The following NTNG1 variants were observed in gnomAD, a reference collection of about 807,000 sequenced individuals.
NTNG1 encodes the protein netrin G1.
NTNG1 carries 16 observed loss-of-function variants against 54.0 expected under a neutral mutation model. That is an observed-to-expected ratio of 0.30 (90% confidence interval 0.20 to 0.45). NTNG1 has a LOEUF of 0.45. NTNG1 is among the 20% of genes least tolerant of loss of function. The pLI is 1.00. For missense variants in NTNG1, 530 were observed against 678.7 expected, an observed-to-expected ratio of 0.78 and a Z score of 2.43; for synonymous variants, 255 against 263.1, an observed-to-expected ratio of 0.97 and a Z score of 0.30.
At chr1:107,390,780 C>A (rs747500142) in intron 3 of NTNG1, among the ~76,000 whole-genome samples, 2 of 152,192 alleles carry the variant, frequency 1.3e-5, no homozygotes, top group African/African-American at 2.4e-5. Flanking sequence ...AACAGCAACA[C>A]ACACTAGGGA....
rs1667809241 is a variant in NTNG1, at chr1:107,324,141, A to C, written c.247-141A>C. ...TTTTTAAAAGCTATTAAAGAGGAGA[A>C]TCCAGTTAGGGCAAATAAAAATGAT... On this transcript the variant is annotated intron_variant, in intron 2 of 7. Coordinates refer to ENST00000370068, the MANE Select transcript of NTNG1 (RefSeq NM_001113226.3). 5.5e-6 allele frequency: 4 copies of C among 723,750 alleles called. No individual in the cohort carries two copies. In the East Asian group the frequency reaches 9.9e-5, roughly 18 times the overall value. 44.8% of individuals were successfully genotyped at this position (723,750 alleles called of 1,614,324 possible).
At position 107,224,447 on chromosome 1, in the gene NTNG1, T is replaced by C. The variant is rs555518953; in HGVS notation, c.246+75608T>C. On this transcript the variant is annotated intron_variant, in intron 2 of 7. Coordinates refer to ENST00000370068, the MANE Select transcript of NTNG1 (RefSeq NM_001113226.3). ...GGTCACTGATTTCTAAGGCTGATGA[T>C]TTATGATATCGTCTTTCATGTAATG... Among the ~76,000 whole-genome samples, 4 of 152,282 alleles carry C rather than the reference T, an allele frequency of 2.6e-5. No homozygotes were observed. The South Asian group carries it at 6.2e-4, about 24-fold the overall frequency.
chr1:107,396,443 T>TA (rs779986021), intron 4 of NTNG1, among the ~76,000 whole-genome samples: 3 of 152,148 alleles, frequency 2.0e-5, no homozygotes, highest in Non-Finnish European at 2.9e-5. Context: ...TCAAAAGGTT[T>TA]AAAAAAATCC....
At chr1:107,174,091 C>A (rs1656461150) in intron 2 of NTNG1, among the ~76,000 whole-genome samples, 1 of 152,054 alleles carries the variant, frequency 6.6e-6, no homozygotes, top group East Asian at 1.9e-4. Flanking sequence ...GAAATTATCA[C>A]CTTAATCGAA....
At chr1:107,299,791 G>T (rs1008696080) in intron 2 of NTNG1, among the ~76,000 whole-genome samples, 1 of 152,120 alleles carries the variant, frequency 6.6e-6, no homozygotes, top group Non-Finnish European at 1.5e-5. Context: ...AAGTTAAGCA[G>T]CCTGACAAGA....
intron 3 of NTNG1, among the ~76,000 whole-genome samples, chr1:107,389,612 C>T (rs1490250824): frequency 6.6e-6 from 1 of 152,190 alleles, no homozygotes; most frequent in African/African-American, 2.4e-5. Flanking sequence ...GCATCACAGA[C>T]TAGAGCTCAC....
intron 7 of NTNG1, 30 bp from the exon 8 acceptor site, chr1:107,480,581 C>G: frequency 1.5e-6 from 1 of 681,314 alleles, no homozygotes; most frequent in Admixed American, 2.4e-5. Context: ...CCCGCGCCCA[C>G]CCACCCCTAC....
At chr1:107,269,451 C>T (rs1163156521) in intron 2 of NTNG1, among the ~76,000 whole-genome samples, 2 of 152,194 alleles carry the variant, frequency 1.3e-5, no homozygotes, top group Non-Finnish European at 2.9e-5. Flanking sequence ...GTAACAGTTA[C>T]TGCTTTCCGA....
intron 2 of NTNG1, among the ~76,000 whole-genome samples, chr1:107,214,476 T>A (rs1478922211): frequency 1.3e-5 from 2 of 152,238 alleles, no homozygotes; most frequent in Non-Finnish European, 2.9e-5. Context: ...TGAGTAGTAT[T>A]CCATGGTATG....
At chr1:107,404,193 C>T (rs1048497976) in intron 4 of NTNG1, among the ~76,000 whole-genome samples, 1 of 151,370 alleles carries the variant, frequency 6.6e-6, no homozygotes, top group Non-Finnish European at 1.5e-5. Flanking sequence ...TGCACTTGCC[C>T]CTGGGTGTGT....
At chr1:107,466,636 C>G (rs1398179562) in intron 7 of NTNG1, among the ~76,000 whole-genome samples, 1 of 152,196 alleles carries the variant, frequency 6.6e-6, no homozygotes, top group African/African-American at 2.4e-5. Flanking sequence ...ACTGCTTAAT[C>G]TAACCTGGGT....
At chr1:107,191,860 A>G (rs1208020040) in intron 2 of NTNG1, among the ~76,000 whole-genome samples, 3 of 151,952 alleles carry the variant, frequency 2.0e-5, no homozygotes, top group South Asian at 2.1e-4. Flanking sequence ...GTCAGGTAGC[A>G]TGATGCCTCC....
intron 3 of NTNG1, among the ~76,000 whole-genome samples, chr1:107,377,666 C>A (rs1023849899): frequency 6.6e-6 from 1 of 152,232 alleles, no homozygotes; most frequent in Admixed American, 6.5e-5. Flanking sequence ...GCCCTGCACT[C>A]TTCTTATTTC....
chr1:107,347,147 A>G (rs961168328), intron 3 of NTNG1, among the ~76,000 whole-genome samples: 3 of 152,082 alleles, frequency 2.0e-5, no homozygotes, highest in African/African-American at 4.8e-5. Flanking sequence ...TCTCTCCATC[A>G]TTTACCATCT....
chr1:107,216,947 G>C (rs969888070), intron 2 of NTNG1, among the ~76,000 whole-genome samples: 4 of 152,074 alleles, frequency 2.6e-5, no homozygotes, highest in Admixed American at 6.6e-5. Context: ...AAAGTGCTGG[G>C]ATTACAGGCG....
At chr1:107,340,863 A>C (rs1212833839) in intron 3 of NTNG1, among the ~76,000 whole-genome samples, 1 of 152,042 alleles carries the variant, frequency 6.6e-6, no homozygotes, top group Non-Finnish European at 1.5e-5. Context: ...CCATCCATAA[A>C]ATATACAAAT....
At chr1:107,342,814 A>G (rs1296467495) in intron 3 of NTNG1, among the ~76,000 whole-genome samples, 2 of 152,134 alleles carry the variant, frequency 1.3e-5, no homozygotes, top group African/African-American at 4.8e-5. Flanking sequence ...ACAGAGACCT[A>G]CAGTGTTCTA....
chr1:107,470,534 A>G (rs1677915396), intron 7 of NTNG1, among the ~76,000 whole-genome samples: 1 of 152,202 alleles, frequency 6.6e-6, no homozygotes, highest in East Asian at 1.9e-4. Context: ...ACTTATGGAG[A>G]TTATGCTGGA....
chr1:107,382,266 T>A (rs1474642076), intron 3 of NTNG1, among the ~76,000 whole-genome samples: 3 of 152,060 alleles, frequency 2.0e-5, no homozygotes, highest in African/African-American at 7.3e-5. Flanking sequence ...GGAGCCAATG[T>A]GAGACATTTT....
Sources: allele counts gnomAD v4.1 joint callset (sites outside exome capture counted in the v4.1 genomes callset), GRCh38; gene constraint gnomAD v4.1.1; transcripts MANE v1.5; gene names NCBI Gene and HGNC (gene_info 2026-07-23, HGNC 2026-07-21).